The following SPATA24 variants were observed in gnomAD, a reference collection of about 807,000 sequenced individuals.
SPATA24 encodes spermatogenesis-associated protein 24.
Under a neutral mutation model 28.9 loss-of-function variants are expected in SPATA24, and 21 were observed. The ratio of observed to expected loss-of-function variants is 0.73; its 90% confidence interval spans 0.52 to 1.05. The LOEUF (loss-of-function observed/expected upper bound fraction) is 1.05. SPATA24 is among the 50% of genes least tolerant of loss of function. The pLI, the probability that SPATA24 is intolerant of heterozygous loss-of-function variation, is 0.00. For synonymous variants in SPATA24, 76 were observed against 89.9 expected, an observed-to-expected ratio of 0.85 and a Z score of 0.88; for missense variants, 215 against 242.9, an observed-to-expected ratio of 0.88 and a Z score of 0.76.
downstream of SPATA24, chr5:139,393,261 CAA>C (rs764721292): frequency 6.5e-7 from 1 of 1,549,654 alleles, no homozygotes; most frequent in East Asian, 2.4e-5. Context: ...CTCCAGGACC[CAA>C]GACTTCCGGG....
downstream of SPATA24, chr5:139,393,149 C>T (rs1199805884): frequency 3.1e-5 from 48 of 1,545,616 alleles, no homozygotes; most frequent in Non-Finnish European, 3.9e-5. Flanking sequence ...AGCCCAGAGC[C>T]TTGTGCTCCT....
downstream of SPATA24, chr5:139,394,108 C>A: frequency 6.5e-7 from 1 of 1,548,336 alleles, no homozygotes; most frequent in Non-Finnish European, 8.7e-7. Flanking sequence ...AGGCTTGTCG[C>A]GCCGAATCGC....
At chr5:139,393,884 G>A, downstream of SPATA24, 1 of 1,551,242 alleles carries the variant, frequency 6.4e-7, no homozygotes, top group Non-Finnish European at 8.7e-7. Flanking sequence ...GCCCCATTTG[G>A]AGTCTGCCGT....
intron 4 of SPATA24, among the ~76,000 whole-genome samples, chr5:139,400,025 T>C (rs377545070): frequency 1.8e-4 from 27 of 152,334 alleles, no homozygotes; most frequent in African/African-American, 5.8e-4. Context: ...GGGCAGTGAC[T>C]GCCTGTTGCG....
intron 4 of SPATA24, 100 bp downstream of exon 4, chr5:139,401,655 C>G: frequency 7.7e-7 from 1 of 1,294,308 alleles, no homozygotes; most frequent in South Asian, 1.3e-5. Flanking sequence ...CAGCTGGGGA[C>G]AGGTGTTAGA....
At chr5:139,401,118 A>G (rs917978782) in intron 4 of SPATA24, among the ~76,000 whole-genome samples, 2 of 151,968 alleles carry the variant, frequency 1.3e-5, no homozygotes, top group Non-Finnish European at 2.9e-5. Context: ...GTGCCACCGC[A>G]CTCCAACCTA....
At chr5:139,396,678 TGTG>T (rs1317752770), downstream of SPATA24, 31 of 1,537,636 alleles carry the variant, frequency 2.0e-5, no homozygotes, top group East Asian at 6.9e-4. Flanking sequence ...GCCCCCACCT[TGTG>T]GACCCCTACC....
Position 139,402,645 on chromosome 5 carries a change from C to G in SPATA24, c.166G>C (p.Val56Leu). The change falls in exon 2 of 6, where the codon GTG becomes CTG. Residue 56 changes from valine to leucine, a missense_variant. By Grantham distance (32) the Val-to-Leu change is conservative (BLOSUM62 1). Coordinates refer to ENST00000450845, the MANE Select transcript of SPATA24 (RefSeq NM_194296.2). ...NFVSKEEFQAVEKKLVEEKAA... is the reference protein window; with the variant it reads ...NFVSKEEFQALEKKLVEEKAA... ...TTACTTACCACCAGCTTCTTCTCCACTGCCTGGAACTCTTCTTTACTGACA... is the reference window on the plus strand; with the variant it reads ...TTACTTACCACCAGCTTCTTCTCCAGTGCCTGGAACTCTTCTTTACTGACA... 1 of 1,551,844 alleles carries G rather than the reference C, an allele frequency of 6.4e-7. No individual in the cohort carries two copies. Among genetic ancestry groups the G allele is most frequent in the Non-Finnish European group, 8.7e-7 (1 of 1,146,996 alleles).
chr5:139,401,010 A>G (rs543331334), intron 4 of SPATA24, among the ~76,000 whole-genome samples: 36 of 152,204 alleles, frequency 2.4e-4, no homozygotes, highest in African/African-American at 3.9e-4. Flanking sequence ...TACAAAAATT[A>G]GCCGGGCATG....
downstream of SPATA24, chr5:139,394,433 G>A: frequency 1.4e-6 from 2 of 1,395,008 alleles, no homozygotes; most frequent in Non-Finnish European, 1.8e-6. Context: ...GGGGGACTCT[G>A]GGGCCGGGGG....
chr5:139,394,368 G>A (rs1291811160), downstream of SPATA24: 2 of 1,414,094 alleles, frequency 1.4e-6, no homozygotes, highest in African/African-American at 1.5e-5. Flanking sequence ...CCAGCGACTC[G>A]TCCAGGGAAC....
rs2152077776 is a variant in SPATA24, at chr5:139,396,791, G to A, written c.*9C>T. ...ATTACAGCCAGAGAACAGGAAAGCG[G>A]CGGCCATTTTATTTTTCCCTGGGAT... On this transcript the variant is annotated 3_prime_UTR_variant, in exon 6 of 6. Coordinates refer to ENST00000450845, the MANE Select transcript of SPATA24 (RefSeq NM_194296.2). The A allele has an allele frequency of 6.4e-7, 1 of 1,551,718 alleles. No homozygotes were observed. Among genetic ancestry groups the A allele is most frequent in the South Asian group, 1.2e-5 (1 of 84,062 alleles).
chr5:139,400,885 C>T (rs548655739), intron 4 of SPATA24, among the ~76,000 whole-genome samples: 8 of 152,036 alleles, frequency 5.3e-5, no homozygotes, highest in East Asian at 1.9e-4. Flanking sequence ...TGGCTGGGTG[C>T]GGTGGCTCAC....
In SPATA24 at chr5:139,398,870, A is replaced by G. The variant is rs1758766352; in HGVS notation, c.386-1727T>C. On this transcript the variant is annotated intron_variant, in intron 4 of 5. Transcript: ENST00000450845. ...AAAACCCCGTCTCTACTAAAAATAC[A>G]AAAATTAGCTGGGTGTGGTGGCACA... Among the ~76,000 whole-genome samples the G allele has an allele frequency of 1.8e-5, 2 of 112,964 alleles. 1 individual carries two copies. Among genetic ancestry groups the G allele is most frequent in the Non-Finnish European group, 3.3e-5 (2 of 60,424 alleles). 74.1% of individuals were successfully genotyped at this position (112,964 alleles called of 152,430 possible). A position where few individuals can be genotyped will look rare whatever the true frequency, so the allele number is the denominator to read the frequency against.
intron 4 of SPATA24, among the ~76,000 whole-genome samples, chr5:139,400,158 C>T (rs1056748451): frequency 6.6e-6 from 1 of 152,118 alleles, no homozygotes; most frequent in Non-Finnish European, 1.5e-5. Context: ...AGAGAGAAGG[C>T]TGAACAGGTG....
downstream of SPATA24, chr5:139,394,955 G>A: frequency 6.6e-7 from 1 of 1,521,576 alleles, no homozygotes; most frequent in Non-Finnish European, 8.8e-7. Flanking sequence ...ACGTCCGGGG[G>A]CTCCGGAGAA....
At chr5:139,395,215 C>A (rs1758677860), downstream of SPATA24, 3 of 897,902 alleles carry the variant, frequency 3.3e-6, no homozygotes, top group Admixed American at 8.4e-5. Context: ...CCTGAGCCAG[C>A]GGCGCCGGCA....
At chr5:139,403,521 A>G (rs1758866989) in intron 1 of SPATA24, among the ~76,000 whole-genome samples, 1 of 152,224 alleles carries the variant, frequency 6.6e-6, no homozygotes, top group Non-Finnish European at 1.5e-5. Flanking sequence ...CCCCTAAGTT[A>G]GCGCTGGCAA....
At chr5:139,397,774 C>T (rs1249963024) in intron 4 of SPATA24, among the ~76,000 whole-genome samples, 4 of 152,134 alleles carry the variant, frequency 2.6e-5, no homozygotes, top group East Asian at 1.9e-4. Context: ...AGGCTGGTCT[C>T]GAACTTCTGA....
Sources: gnomAD v4.1 joint callset for allele counts (sites outside exome capture counted in the v4.1 genomes callset) on GRCh38, gnomAD v4.1.1 for gene constraint, MANE v1.5 for transcripts, NCBI Gene and HGNC (gene_info 2026-07-23, HGNC 2026-07-21) for gene names.